The following BUD31 variants were observed in gnomAD, a reference collection of about 807,000 sequenced individuals.
The protein encoded by BUD31 is BUD31 spliceosome associated protein, also known as protein BUD31 homolog.
In BUD31, 9 loss-of-function variants were observed where a neutral mutation model predicts 17.9. The ratio of observed to expected loss-of-function variants is 0.50; its 90% confidence interval spans 0.30 to 0.88. The LOEUF (loss-of-function observed/expected upper bound fraction) is 0.88. Among genes scored for constraint, BUD31 ranks in the 40% least tolerant of loss-of-function variants. The probability of loss-of-function intolerance (pLI) is 0.06; values close to 1 mark genes in which losing one functional copy is unlikely to be tolerated. For missense variants in BUD31, 148 were observed against 184.5 expected (o/e 0.80, Z 1.15); for synonymous variants, 70 against 64.7 (o/e 1.08, Z -0.39).
chr7:99,413,794 G>C (rs922568319), intron 3 of BUD31, among the ~76,000 whole-genome samples: 4 of 152,196 alleles, frequency 2.6e-5, no homozygotes, highest in Non-Finnish European at 5.9e-5. Context: ...GTTTTGCCCT[G>C]TTGGCCAGGG....
At chr7:99,412,971 C>T (rs944924886) in intron 3 of BUD31, among the ~76,000 whole-genome samples, 5 of 152,014 alleles carry the variant, frequency 3.3e-5, no homozygotes, top group African/African-American at 7.2e-5. Context: ...TCCATTTTCA[C>T]GCTACTGATA....
At chr7:99,409,769 C>CGGGGGGGGGTGGGGGGG (rs1795098208) in intron 1 of BUD31, among the ~76,000 whole-genome samples, 1 of 48,716 alleles carries the variant, frequency 2.1e-5, no homozygotes, top group Non-Finnish European at 4.9e-5. Flanking sequence ...GCTCTGTGGG[C>CGGGGGGGGGTGGGGGGG]GGGGGGGGGG....
At chr7:99,414,966 C>A (rs1454992864) in intron 3 of BUD31, among the ~76,000 whole-genome samples, 3 of 152,174 alleles carry the variant, frequency 2.0e-5, no homozygotes, top group Non-Finnish European at 4.4e-5. Flanking sequence ...ACATTCCCAC[C>A]AGGAACGTAG....
rs1554353499 is a variant in BUD31, at chr7:99,410,124, C to T, written c.-75C>T. The T allele has an allele frequency of 5.3e-5, 8 of 152,152 alleles. No individual in the cohort carries two copies. The highest frequency in any genetic ancestry group is 1.2e-4 in the Non-Finnish European group (8 of 68,036). 9.4% of individuals were successfully genotyped at this position (152,152 alleles called of 1,614,324 possible). A position where few individuals can be genotyped will look rare whatever the true frequency, so the allele number is the denominator to read the frequency against. On this transcript the variant is annotated 5_prime_UTR_variant, in exon 2 of 6. The change creates a new upstream start codon in the 5' untranslated region. Transcript: ENST00000222969. ...GAATCCAAGCCTGCAACTGCAGAGA[C>T]GAGAGATCTTTCTGCTGTCTATACT...
intron 3 of BUD31, among the ~76,000 whole-genome samples, chr7:99,414,138 A>T (rs972888981): frequency 3.4e-5 from 5 of 148,284 alleles, no homozygotes; most frequent in South Asian, 4.2e-4. Context: ...CTTATTTTTT[A>T]TTTTTTTATT....
chr7:99,419,158 G>A, intron 5 of BUD31: 1 of 567,526 alleles, frequency 1.8e-6, no homozygotes, highest in Non-Finnish European at 3.2e-6. Flanking sequence ...TGTTGGATTT[G>A]CAGAACATAT....
At position 99,417,653 on chromosome 7, in the gene BUD31, A is replaced by G. The variant is rs774910070; in HGVS notation, c.384+58A>G. 4 of 1,596,942 alleles carry G rather than the reference A, an allele frequency of 2.5e-6. No individual in the cohort carries two copies. In the East Asian group the frequency reaches 8.9e-5, roughly 36 times the overall value. The stretch of plus-strand genomic sequence containing the variant: ...TCAGCTCAAAATTCTGCCTTAGTCG[A>G]CTGCAAGGGATCTTATGTTATTTGG... On this transcript the variant is annotated intron_variant, in intron 5 of 5. Transcript: ENST00000222969.
chr7:99,411,559 G>T (rs531570503), intron 3 of BUD31, among the ~76,000 whole-genome samples: 1 of 152,002 alleles, frequency 6.6e-6, no homozygotes, highest in African/African-American at 2.4e-5. Flanking sequence ...AGTCTTTGCC[G>T]CATCTGTTTT....
chr7:99,415,124 CAA>C (rs200382886), intron 3 of BUD31: 37 of 436,248 alleles, frequency 8.5e-5, no homozygotes, highest in East Asian at 8.0e-4. Flanking sequence ...AGACACAAGA[CAA>C]AGAGATAAAA....
At chr7:99,411,274 A>G (rs1053053240) in intron 3 of BUD31, 88 bp downstream of exon 3, 20 of 979,098 alleles carry the variant, frequency 2.0e-5, no homozygotes, top group Admixed American at 1.4e-4. Context: ...ATGCAAATAT[A>G]AAAAGAGAGT....
chr7:99,411,119 A>G lies in BUD31; in HGVS notation c.27A>G (p.Lys9=), dbSNP rs1345651943. The G allele has an allele frequency of 6.2e-7, 1 of 1,614,084 alleles. No individual in the cohort carries two copies. The highest frequency in any genetic ancestry group is 8.5e-7 in the Non-Finnish European group (1 of 1,180,038). MPKVKRSR[K]APPDGWELIE... is the part of the protein sequence containing the mutation. ...TGCCTAAAGTCAAAAGAAGCCGGAAAGCACCCCCAGATGGCTGGGAGTTGA... is the reference window on the plus strand; with the variant it reads ...TGCCTAAAGTCAAAAGAAGCCGGAAGGCACCCCCAGATGGCTGGGAGTTGA... The change falls in exon 3 of 6, where the codon AAA becomes AAG. Residue 9 remains lysine, a synonymous_variant. Coordinates refer to ENST00000222969, the MANE Select transcript of BUD31 (RefSeq NM_003910.4).
In BUD31 at chr7:99,419,292, C is replaced by T. The variant is rs56145748; in HGVS notation, c.385-99C>T. 9.5e-4 allele frequency: 1,355 copies of T among 1,423,792 alleles called. 14 individuals are homozygous for T. In the African/African-American group the frequency reaches 0.016, roughly 17 times the overall value. The allele number at this position is 1,423,792 out of a possible 1,614,324, so 88.2% of individuals were successfully genotyped here. A position where few individuals can be genotyped will look rare whatever the true frequency, so the allele number is the denominator to read the frequency against. On this transcript the variant is annotated intron_variant, in intron 5 of 5. Coordinates refer to ENST00000222969, the MANE Select transcript of BUD31 (RefSeq NM_003910.4). The stretch of plus-strand genomic sequence containing the variant: ...GTTTCTGAGGTGTGTCCCTATATGG[C>T]ATGGTGGCAGGTCCTTCGTGGGAGG...
chr7:99,411,799 T>C (rs1169409678), intron 3 of BUD31: 1 of 436,570 alleles, frequency 2.3e-6, no homozygotes, highest in South Asian at 1.6e-5. Flanking sequence ...CTGCCTCCCG[T>C]GTTCAAGTGA....
intron 3 of BUD31, chr7:99,411,760 A>G (rs762944087): frequency 2.2e-6 from 1 of 453,750 alleles, no homozygotes; most frequent in African/African-American, 2.0e-5. Flanking sequence ...GCTGCAGTGC[A>G]GTGGCGTGAT....
At chr7:99,411,492 A>T (rs925680966) in intron 3 of BUD31, among the ~76,000 whole-genome samples, 1 of 152,208 alleles carries the variant, frequency 6.6e-6, no homozygotes, top group African/African-American at 2.4e-5. Context: ...ATATATATTT[A>T]AAATCATACA....
chr7:99,411,789 C>A, intron 3 of BUD31: 1 of 445,494 alleles, frequency 2.2e-6, no homozygotes. Flanking sequence ...ACTGCAACCT[C>A]TGCCTCCCGT....
intron 3 of BUD31, chr7:99,411,777 T>C: frequency 2.2e-6 from 1 of 450,340 alleles, no homozygotes. Flanking sequence ...TGATCTCGGC[T>C]CACTGCAACC....
At chr7:99,416,106 T>C (rs1462946286) in intron 3 of BUD31, 32 bp from the exon 4 acceptor site, 2 of 1,609,630 alleles carry the variant, frequency 1.2e-6, no homozygotes, top group Non-Finnish European at 1.7e-6. Flanking sequence ...ACCGACCCTA[T>C]TCCCCCAAAC....
intron 3 of BUD31, chr7:99,411,868 G>T (rs558731707): frequency 2.8e-6 from 1 of 352,002 alleles, no homozygotes. Flanking sequence ...CACCATGCCC[G>T]GCTAATTTTT....
Sources: gnomAD v4.1 joint callset for allele counts (sites outside exome capture counted in the v4.1 genomes callset) on GRCh38, gnomAD v4.1.1 for gene constraint, MANE v1.5 for transcripts, NCBI Gene and HGNC (gene_info 2026-07-23, HGNC 2026-07-21) for gene names.